STAT5A: variants seen among roughly 807,000 people sequenced by gnomAD.
STAT5A encodes the protein signal transducer and activator of transcription 5A, also known as epididymis secretory sperm binding protein.
STAT5A carries 26 observed loss-of-function variants against 100.2 expected under a neutral mutation model. That is an observed-to-expected ratio of 0.26 (90% confidence interval 0.19 to 0.36). The LOEUF is 0.36. STAT5A is among the 10% of genes least tolerant of loss of function. The probability of loss-of-function intolerance (pLI) is 1.00; values close to 1 mark genes in which losing one functional copy is unlikely to be tolerated. For missense variants in STAT5A, 634 were observed against 1,027.5 expected, an observed-to-expected ratio of 0.62 and a Z score of 5.24; for synonymous variants, 330 against 424.3, an observed-to-expected ratio of 0.78 and a Z score of 2.73.
chr17:42,292,897 G>T (rs1302758175), intron 4 of STAT5A, among the ~76,000 whole-genome samples: 2 of 152,168 alleles, frequency 1.3e-5, no homozygotes, highest in African/African-American at 4.8e-5. Flanking sequence ...CAAAGTGTTG[G>T]GATTACAGGC....
At chr17:42,299,626 G>C (rs1222048900) in intron 5 of STAT5A, 125 bp from the exon 6 acceptor site, 5 of 1,509,660 alleles carry the variant, frequency 3.3e-6, no homozygotes, top group Non-Finnish European at 3.6e-6. Context: ...CAGGAACCCC[G>C]ACTTGCTCTT....
rs777748961 is a variant in STAT5A at position 42,301,339 on chromosome 17, G to A, written c.1054G>A (p.Val352Ile). 6.2e-6 allele frequency: 10 copies of A among 1,614,150 alleles called. No individual in the cohort carries two copies. The highest frequency in any genetic ancestry group is 6.8e-6 in the Non-Finnish European group (8 of 1,180,036). ...GACCCAGACCAAGTTTGCAGCCACC[G>A]TACGCCTGCTGGTGGGCGGGAAGCT... is the stretch of plus-strand genomic sequence containing the variant. Reference protein sequence around the residue: ...LKTQTKFAATVRLLVGGKLNV... With the variant: ...LKTQTKFAATIRLLVGGKLNV... Residue 352 changes from valine (V) to isoleucine (I), a missense_variant, in exon 9 of 19, where the codon GTA becomes ATA. This residue lies in a region of STAT5A where 98 missense variants were observed against 149.7 expected (regional missense o/e 0.65). Transcript: ENST00000590949.
In STAT5A at chr17:42,306,334, C is replaced by T. The variant is rs1397391541; in HGVS notation, c.1567C>T (p.Arg523Trp). 2.5e-6 allele frequency: 4 copies of T among 1,613,978 alleles called. No homozygotes were observed. Among genetic ancestry groups the T allele is most frequent in the African/African-American group, 1.3e-5 (1 of 74,900 alleles). Residue 523 changes from arginine (R) to tryptophan (W), a missense_variant, in exon 13 of 19, where the codon CGG (arginine) becomes TGG (tryptophan). Around this residue, in one of 5 missense-constraint regions of STAT5A, gnomAD observed 210 missense variants for 428.4 expected, o/e 0.49. Coordinates refer to ENST00000590949, the MANE Select transcript of STAT5A (RefSeq NM_001288718.2). ...MKFKAEVQSN[R>W]GLTKENLVFL... ...ATTCAAGGCCGAAGTGCAGAGCAACCGGGGCCTGACCAAGGAGAACCTCGT... is the reference window on the plus strand; with the variant it reads ...ATTCAAGGCCGAAGTGCAGAGCAACTGGGGCCTGACCAAGGAGAACCTCGT...
At chr17:42,302,467 A>G (rs939511618) in intron 9 of STAT5A, among the ~76,000 whole-genome samples, 4 of 152,226 alleles carry the variant, frequency 2.6e-5, no homozygotes, top group African/African-American at 7.2e-5. Context: ...ACTTTCAGGC[A>G]GAGCCCATGT....
chr17:42,300,877 G>A lies in STAT5A; in HGVS notation c.989+7G>A. The stretch of plus-strand genomic sequence containing the variant: ...TCTCAGCCCTGGTGACCAGGTGACT[G>A]CTGCCTGTTTGCCATGCCCAGGAGC... On this transcript the variant is annotated splice_region_variant and intron_variant, in intron 8 of 18. Coordinates refer to ENST00000590949, the MANE Select transcript of STAT5A (RefSeq NM_001288718.2). 3 of 1,611,078 alleles carry A rather than the reference G, an allele frequency of 1.9e-6. No individual in the cohort carries two copies. Among genetic ancestry groups the A allele is most frequent in the Admixed American group, 1.7e-5 (1 of 59,662 alleles).
chr17:42,305,675 G>A lies in STAT5A; in HGVS notation c.1446G>A (p.Val482=), dbSNP rs1368325149. 1 of 1,614,162 alleles carries A rather than the reference G, an allele frequency of 6.2e-7. No individual in the cohort carries two copies. The highest frequency in any genetic ancestry group is 1.3e-5 in the African/African-American group (1 of 75,044). The change falls in exon 12 of 19, where the codon GTG becomes GTA. Residue 482 remains valine (V), a synonymous_variant. Transcript: ENST00000590949. ...GSQDHNATAT[V]LWDNAFAEPG... ...AGGACCACAATGCCACGGCTACTGT[G>A]CTGTGGGACAATGCCTTTGCTGAGC...
intron 4 of STAT5A, among the ~76,000 whole-genome samples, chr17:42,292,643 C>G (rs1302761212): frequency 7.0e-6 from 1 of 142,732 alleles, no homozygotes; most frequent in African/African-American, 2.6e-5. Context: ...TTTTTCCCCC[C>G]CGAGATGCAG....
chr17:42,288,256 G>A (rs2144481264), upstream of STAT5A: 3 of 152,256 alleles, frequency 2.0e-5, no homozygotes, highest in South Asian at 6.2e-4. This position sits in a 1 kb window ranked among gnomAD's most constrained non-coding sequence, Gnocchi z 4.8. Context: ...GGGAGCCGCC[G>A]CCGAGGGCCT....
rs1313710341 is a variant in STAT5A at position 42,289,408 on chromosome 17, G to C, written c.-4G>C. 6.2e-7 allele frequency: 1 copy of C among 1,607,432 alleles called. No individual in the cohort carries two copies. The highest frequency in any genetic ancestry group is 1.1e-5 in the South Asian group (1 of 90,496). On this transcript the variant is annotated 5_prime_UTR_variant, in exon 2 of 19. Coordinates refer to ENST00000590949, the MANE Select transcript of STAT5A (RefSeq NM_001288718.2). Reference sequence around the variant, plus strand: ...AGCGCTCGGCTCGCCCTAGGTGAACGGCCATGGCGGGCTGGATCCAGGCCC... The same window carrying C: ...AGCGCTCGGCTCGCCCTAGGTGAACCGCCATGGCGGGCTGGATCCAGGCCC...
rs2081077981 is a variant in STAT5A, at chr17:42,311,220, AT to A, written c.*555del. On this transcript the variant is annotated 3_prime_UTR_variant, in exon 19 of 19. Transcript: ENST00000590949. ...AGGCTGGGGTTCATTTTCGAGTAGT[AT>A]TTTATACTTTAGTGAACGTGGACTC... 1 of 162,612 alleles carries A rather than the reference AT, an allele frequency of 6.1e-6. No homozygotes were observed. The highest frequency in any genetic ancestry group is 1.6e-4 in the South Asian group (1 of 6,176). The allele number at this position is 162,612 out of a possible 1,614,324, so 10.1% of individuals were successfully genotyped here.
intron 9 of STAT5A, among the ~76,000 whole-genome samples, chr17:42,303,469 A>G (rs8075589): frequency 0.18 from 27,137 of 152,090 alleles, 4,195 homozygotes; most frequent in African/African-American, 0.42. Context: ...CAGCACTTTG[A>G]GAGGCTGAGG....
Position 42,308,994 on chromosome 17 carries a change from C to G in STAT5A, c.2063-53C>G. The G allele has an allele frequency of 2.5e-6, 4 of 1,613,246 alleles. No individual in the cohort carries two copies. The highest frequency in any genetic ancestry group is 1.7e-5 in the Admixed American group (1 of 60,006). On this transcript the variant is annotated intron_variant, in intron 16 of 18. Transcript: ENST00000590949. This position sits in a 1 kb window ranked among gnomAD's most constrained non-coding sequence, Gnocchi z 4.6. The stretch of plus-strand genomic sequence containing the variant: ...CTACATGGGGCGTGGGCTTCCACCC[C>G]ACTTGGGAGTTCCCAGAGACTTTGG...
chr17:42,297,867 C>T (rs2080933814), intron 5 of STAT5A, among the ~76,000 whole-genome samples: 2 of 152,076 alleles, frequency 1.3e-5, no homozygotes, highest in African/African-American at 4.8e-5. Flanking sequence ...TTGTGCATCC[C>T]ATGGGTCAGG....
At position 42,301,130 on chromosome 17, in the gene STAT5A, A is replaced by G. The variant is rs534540014; in HGVS notation, c.990-145A>G. The G allele has an allele frequency of 4.6e-5, 65 of 1,411,510 alleles. No individual in the cohort carries two copies. The African/African-American group carries it at 7.5e-4, about 16-fold the overall frequency. The allele number at this position is 1,411,510 out of a possible 1,614,324, so 87.4% of individuals were successfully genotyped here. On this transcript the variant is annotated intron_variant, in intron 8 of 18. Coordinates refer to ENST00000590949, the MANE Select transcript of STAT5A (RefSeq NM_001288718.2). ...CTCCATCCTCTCCCTGGACTCTCAC[A>G]GCTTCCCCGGGAACAGAGGTTGTGC...
rs369907082 is a variant in STAT5A at position 42,304,491 on chromosome 17, C to T, written c.1258-39C>T. The T allele has an allele frequency of 7.4e-5, 119 of 1,614,024 alleles. No individual in the cohort carries two copies. Among genetic ancestry groups the T allele is most frequent in the Non-Finnish European group, 8.8e-5 (104 of 1,179,990 alleles). ...CCAGAGCTGAGTCCTTGTAAGCAGC[C>T]GCCATCTCCCTGTTCCCCTGTCACC... On this transcript the variant is annotated intron_variant, in intron 10 of 18. Transcript: ENST00000590949. This position sits in a 1 kb window ranked among gnomAD's most constrained non-coding sequence, Gnocchi z 4.8.
At position 42,291,984 on chromosome 17, in the gene STAT5A, C is replaced by T. The variant is rs564512258; in HGVS notation, c.298C>T (p.Arg100Cys). Residue 100 changes from arginine to cysteine, a missense_variant, in exon 4 of 19, where the codon CGC (arginine) becomes TGC (cysteine). By Grantham distance (180) the Arg-to-Cys change is radical. This residue lies in a region of STAT5A where 207 missense variants were observed against 256.6 expected (regional missense o/e 0.81). Transcript: ENST00000590949. ...YATQLQKTYDRCPLELVRCIR... is the reference protein window; with the variant it reads ...YATQLQKTYDCCPLELVRCIR... Reference sequence around the variant, plus strand: ...TGGATTCTTTCAGAAAACATATGACCGCTGCCCCCTGGAGCTGGTCCGCTG... The same window carrying T: ...TGGATTCTTTCAGAAAACATATGACTGCTGCCCCCTGGAGCTGGTCCGCTG... 1.7e-5 allele frequency: 27 copies of T among 1,613,828 alleles called. No homozygotes were observed. The South Asian group carries it at 2.3e-4, about 14-fold the overall frequency.
In STAT5A at chr17:42,308,151, A is replaced by G. The variant is rs1056986231; in HGVS notation, c.1907-27A>G. ...TTGGTCCTCCTGCTGCTGGTGGATT[A>G]TGGGAATGAGGCTGTTCTTTTCACA... On this transcript the variant is annotated intron_variant, in intron 15 of 18. Transcript: ENST00000590949. The surrounding 1 kb of genome is among the most constrained non-coding windows in gnomAD (Gnocchi z 4.6). 2.5e-6 allele frequency: 4 copies of G among 1,609,304 alleles called. No homozygotes were observed. The Admixed American group carries it at 6.7e-5, about 27-fold the overall frequency.
rs77814325 is a variant in STAT5A at position 42,290,274 on chromosome 17, A to G, written c.285+252A>G. The G allele has an allele frequency of 8.4e-3, 3,357 of 401,890 alleles. 94 individuals are homozygous for G. The highest frequency in any genetic ancestry group is 0.064 in the African/African-American group (3,083 of 48,228). The allele number at this position is 401,890 out of a possible 1,614,324, so 24.9% of individuals were successfully genotyped here. On this transcript the variant is annotated intron_variant, in intron 3 of 18. Coordinates refer to ENST00000590949, the MANE Select transcript of STAT5A (RefSeq NM_001288718.2). ...ATGGGTGAACTGGCCTTATGGAAGC[A>G]GCAGAAGGGATGGAGGGAGACTGAG...
chr17:42,301,193 C>T, intron 8 of STAT5A, 82 bp from the exon 9 acceptor site: 1 of 1,560,978 alleles, frequency 6.4e-7, no homozygotes, highest in Non-Finnish European at 8.7e-7. Context: ...GGGAGGCAGC[C>T]CCACCCCCAC....
Sources: allele counts gnomAD v4.1 joint callset (sites outside exome capture counted in the v4.1 genomes callset), GRCh38; gene constraint gnomAD v4.1.1; regional missense constraint gnomAD v4.1.1; non-coding constraint Gnocchi (gnomAD v3.1); transcripts MANE v1.5; gene names NCBI Gene and HGNC (gene_info 2026-07-23, HGNC 2026-07-21).